The following SUPT3H variants were observed in gnomAD, a reference collection of about 807,000 sequenced individuals.
The protein encoded by SUPT3H is transcription initiation protein SPT3 homolog.
Under a neutral mutation model 44.3 loss-of-function variants are expected in SUPT3H, and 44 were observed. That is an observed-to-expected ratio of 0.99 (90% CI 0.78 to 1.28). The LOEUF is 1.28. Among genes scored for constraint, SUPT3H ranks in the 50% most tolerant of loss-of-function variants. The pLI, the probability that SUPT3H is intolerant of heterozygous loss-of-function variation, is 0.00. For synonymous variants in SUPT3H, 124 were observed against 125.6 expected (o/e 0.99, Z 0.09); for missense variants, 380 against 387.1 (o/e 0.98, Z 0.15).
At chr6:44,870,363 G>C (rs1582101378) in intron 10 of SUPT3H, among the ~76,000 whole-genome samples, 1 of 152,110 alleles carries the variant, frequency 6.6e-6, no homozygotes, top group African/African-American at 2.4e-5. Flanking sequence ...TCGTGAGTCT[G>C]AGGCAGGAGG....
Position 45,290,240 on chromosome 6 carries a change from T to C in SUPT3H, c.101+74961A>G, listed in dbSNP as rs139025675. ...CTTTGGACAAATTCAATCTAAATTT[T>C]AAAATCATTTGGAAAGTAAAAAGGC... On this transcript the variant is annotated intron_variant, in intron 2 of 10. Transcript: ENST00000371459. Among the ~76,000 whole-genome samples, 1,223 of 152,294 alleles carry C rather than the reference T, an allele frequency of 8.0e-3. 11 individuals carry two copies. The highest frequency in any genetic ancestry group is 0.011 in the Non-Finnish European group (719 of 68,028).
At chr6:45,238,534 T>G (rs995766284) in intron 2 of SUPT3H, among the ~76,000 whole-genome samples, 1 of 152,178 alleles carries the variant, frequency 6.6e-6, no homozygotes, top group Non-Finnish European at 1.5e-5. Flanking sequence ...TACAGCTGAT[T>G]GAAAGGCAAG....
chr6:45,001,960 A>T (rs1267729804), intron 6 of SUPT3H, among the ~76,000 whole-genome samples: 1 of 151,980 alleles, frequency 6.6e-6, no homozygotes, highest in Non-Finnish European at 1.5e-5. Context: ...AGCCCAGCAT[A>T]TTTTTTTCAG....
chr6:44,926,240 A>C (rs1769496959), intron 10 of SUPT3H, among the ~76,000 whole-genome samples: 1 of 152,096 alleles, frequency 6.6e-6, no homozygotes, highest in South Asian at 2.1e-4. Context: ...TAGTTGAATA[A>C]AAAATAATTA....
intron 1 of SUPT3H, among the ~76,000 whole-genome samples, chr6:45,375,638 G>C (rs202183117): frequency 1.4e-3 from 211 of 152,086 alleles, no homozygotes; most frequent in East Asian, 7.0e-3. Context: ...TGAACTCCTA[G>C]GTTCAAGAGA....
At chr6:45,260,335 T>C (rs1025333781) in intron 2 of SUPT3H, among the ~76,000 whole-genome samples, 7 of 152,082 alleles carry the variant, frequency 4.6e-5, no homozygotes, top group African/African-American at 1.7e-4. Flanking sequence ...TATTAAAGGG[T>C]CCTCAGCACT....
chr6:45,303,671 T>TAAAAAAAA (rs36119324), intron 2 of SUPT3H, among the ~76,000 whole-genome samples: 2 of 113,016 alleles, frequency 1.8e-5, no homozygotes, highest in East Asian at 2.4e-4. Context: ...ATTCTAGAAG[T>TAAAAAAAA]AAAAAAAAAA....
At chr6:44,885,591 ACATCCACAGCAAAAACC>A (rs1239702863) in intron 10 of SUPT3H, among the ~76,000 whole-genome samples, 1 of 152,218 alleles carries the variant, frequency 6.6e-6, no homozygotes, top group Non-Finnish European at 1.5e-5. Flanking sequence ...AACAGAAAGG[ACATCCACAGCAAAAACC>A]CATCTGTACA....
At chr6:45,221,422 C>T (rs1039262387) in intron 2 of SUPT3H, among the ~76,000 whole-genome samples, 1 of 151,902 alleles carries the variant, frequency 6.6e-6, no homozygotes, top group Admixed American at 6.6e-5. Context: ...GATTGACACA[C>T]AAAAATCAAG....
At chr6:45,093,074 A>AT (rs1330526456) in intron 3 of SUPT3H, among the ~76,000 whole-genome samples, 2 of 152,182 alleles carry the variant, frequency 1.3e-5, no homozygotes, top group African/African-American at 4.8e-5. Flanking sequence ...ATGTAGTAAA[A>AT]TAACACCCCA....
intron 2 of SUPT3H, among the ~76,000 whole-genome samples, chr6:45,166,088 T>A (rs1809792449): frequency 6.6e-6 from 1 of 152,066 alleles, no homozygotes; most frequent in African/African-American, 2.4e-5. Flanking sequence ...AGCCCAGGAA[T>A]TCAAGACCAG....
intron 10 of SUPT3H, among the ~76,000 whole-genome samples, chr6:44,863,298 C>T (rs1774958444): frequency 6.6e-6 from 1 of 152,144 alleles, no homozygotes; most frequent in Non-Finnish European, 1.5e-5. Context: ...AATAAACACA[C>T]ACACACAGTA....
At chr6:45,021,454 A>C (rs1785123650) in intron 3 of SUPT3H, among the ~76,000 whole-genome samples, 1 of 151,966 alleles carries the variant, frequency 6.6e-6, no homozygotes, top group Non-Finnish European at 1.5e-5. Context: ...GAAGCAACAT[A>C]AAATACGCCC....
intron 2 of SUPT3H, among the ~76,000 whole-genome samples, chr6:45,157,693 C>T (rs761749698): frequency 6.6e-6 from 1 of 151,742 alleles, no homozygotes; most frequent in Non-Finnish European, 1.5e-5. Context: ...GGATTACAGG[C>T]GCGCACCACC....
chr6:44,821,677 C>G (rs1008596157), intron 11 of SUPT3H, among the ~76,000 whole-genome samples: 2 of 152,060 alleles, frequency 1.3e-5, no homozygotes, highest in Admixed American at 6.6e-5. Context: ...AGCAAAACTT[C>G]CTAATGTTAA....
At chr6:44,843,239 A>C (rs1013219124) in intron 10 of SUPT3H, among the ~76,000 whole-genome samples, 1 of 152,176 alleles carries the variant, frequency 6.6e-6, no homozygotes, top group Non-Finnish European at 1.5e-5. Context: ...GACAGGCAAG[A>C]ACAATGGTGC....
At chr6:45,000,968 A>G (rs889784551) in intron 6 of SUPT3H, among the ~76,000 whole-genome samples, 2 of 152,096 alleles carry the variant, frequency 1.3e-5, no homozygotes, top group Admixed American at 1.3e-4. Context: ...TTGATTATTG[A>G]CAAACTTGAG....
At chr6:44,870,052 CT>C (rs962430636) in intron 10 of SUPT3H, among the ~76,000 whole-genome samples, 14 of 152,194 alleles carry the variant, frequency 9.2e-5, no homozygotes, top group Admixed American at 2.0e-4. Context: ...GCCAATTTTG[CT>C]TTTTTTCCCC....
chr6:45,157,964 T>G (rs1808129565), intron 2 of SUPT3H, among the ~76,000 whole-genome samples: 1 of 150,784 alleles, frequency 6.6e-6, no homozygotes, highest in African/African-American at 2.4e-5. Context: ...ATTTCTGTAA[T>G]TATAGTAATT....
Sources: gnomAD v4.1 joint callset for allele counts (sites outside exome capture counted in the v4.1 genomes callset) on GRCh38, gnomAD v4.1.1 for gene constraint, MANE v1.5 for transcripts, NCBI Gene and HGNC (gene_info 2026-07-23, HGNC 2026-07-21) for gene names.